XPR1: variants seen among roughly 807,000 people sequenced by gnomAD.
XPR1 encodes xenotropic and polytropic retrovirus receptor 1, also known as solute carrier family 53 member 1.
Under a neutral mutation model 87.5 loss-of-function variants are expected in XPR1, and 28 were observed. The ratio of observed to expected loss-of-function variants is 0.32; its 90% CI spans 0.24 to 0.44. XPR1 has a LOEUF of 0.44. XPR1 is among the 20% of genes least tolerant of loss of function. XPR1 has a pLI of 1.00. For synonymous variants in XPR1, 300 were observed against 306.1 expected (o/e 0.98, Z 0.21); for missense variants, 559 against 862.3 (o/e 0.65, Z 4.41).
At chr1:180,860,378 TATTAC>T in intron 11 of XPR1, among the ~76,000 whole-genome samples, 1 of 152,224 alleles carries the variant, frequency 6.6e-6, no homozygotes, top group Admixed American at 6.5e-5. Context: ...AATGAAAACA[TATTAC>T]ATAAAGTCTT....
At chr1:180,818,579 C>A (rs529138281) in intron 7 of XPR1, among the ~76,000 whole-genome samples, 1 of 152,194 alleles carries the variant, frequency 6.6e-6, no homozygotes, top group Admixed American at 6.5e-5. Flanking sequence ...AAAATAAATG[C>A]TTAATGATTG....
At chr1:180,812,013 A>G in intron 7 of XPR1, among the ~76,000 whole-genome samples, 1 of 152,214 alleles carries the variant, frequency 6.6e-6, no homozygotes, top group East Asian at 1.9e-4. Context: ...TGCACTCACA[A>G]CATCAAAAAA....
rs527615317 is a variant in XPR1, at chr1:180,706,629, C to T, written c.121+24218C>T. 2.9e-3 allele frequency among the ~76,000 whole-genome samples: 438 copies of T among 151,058 alleles called. 3 individuals are homozygous for T. Among genetic ancestry groups the T allele is most frequent in the African/African-American group, 9.6e-3 (395 of 41,184 alleles). ...CACAGAAGCTTTTTTTTTTTTTCCCCGAGGCAGAGTCTCGCACTGTCACCC... is the reference window on the plus strand; with the variant it reads ...CACAGAAGCTTTTTTTTTTTTTCCCTGAGGCAGAGTCTCGCACTGTCACCC... On this transcript the variant is annotated intron_variant, in intron 2 of 14. Transcript: ENST00000367590.
intron 2 of XPR1, among the ~76,000 whole-genome samples, chr1:180,690,021 T>TGG (rs1259663700): frequency 1.3e-5 from 2 of 152,018 alleles, no homozygotes; most frequent in Non-Finnish European, 2.9e-5. Flanking sequence ...CTGGGTGTGG[T>TGG]GGCGCATGCC....
At chr1:180,764,044 TAA>T (rs1423709235) in intron 2 of XPR1, among the ~76,000 whole-genome samples, 2 of 152,232 alleles carry the variant, frequency 1.3e-5, no homozygotes, top group Non-Finnish European at 2.9e-5. Flanking sequence ...TTTTTCCTGA[TAA>T]GTACTTATGT....
intron 2 of XPR1, among the ~76,000 whole-genome samples, chr1:180,765,038 G>A (rs1200401855): frequency 6.6e-6 from 1 of 152,098 alleles, no homozygotes; most frequent in Non-Finnish European, 1.5e-5. Context: ...ACCCGCCTTG[G>A]CCTCCCAAAG....
intron 1 of XPR1, among the ~76,000 whole-genome samples, chr1:180,680,365 T>A (rs1656530096): frequency 7.7e-6 from 1 of 130,590 alleles, no homozygotes; most frequent in Admixed American, 7.5e-5. Flanking sequence ...ACCTTTTTTT[T>A]TTTTTTTTTT....
intron 1 of XPR1, among the ~76,000 whole-genome samples, chr1:180,651,785 T>A (rs1460396784): frequency 6.6e-6 from 1 of 152,186 alleles, no homozygotes; most frequent in Non-Finnish European, 1.5e-5. Context: ...GGAAATAACA[T>A]TGTAGAACCT....
At chr1:180,759,083 A>C (rs1301892704) in intron 2 of XPR1, among the ~76,000 whole-genome samples, 5 of 152,358 alleles carry the variant, frequency 3.3e-5, no homozygotes, top group Non-Finnish European at 5.9e-5. Flanking sequence ...ACAAAGACAC[A>C]ACATACCAGA....
At position 180,656,088 on chromosome 1, in the gene XPR1, A is replaced by G. The variant is rs140309590; in HGVS notation, c.69+23818A>G. Among the ~76,000 whole-genome samples, 309 of 151,480 alleles carry G rather than the reference A, an allele frequency of 2.0e-3. 4 individuals carry two copies. Among genetic ancestry groups the G allele is most frequent in the African/African-American group, 7.1e-3 (295 of 41,286 alleles). ...AACTATTTTTTGGTACCCATTAACTATCTGCCCCCCAATACCCTTCTGAGC... is the reference window on the plus strand; with the variant it reads ...AACTATTTTTTGGTACCCATTAACTGTCTGCCCCCCAATACCCTTCTGAGC... On this transcript the variant is annotated intron_variant, in intron 1 of 14. Transcript: ENST00000367590.
chr1:180,833,549 A>T (rs967177214), intron 9 of XPR1, among the ~76,000 whole-genome samples: 1 of 152,194 alleles, frequency 6.6e-6, no homozygotes, highest in African/African-American at 2.4e-5. Context: ...CTAGTCTCTG[A>T]TAAAACAGAC....
chr1:180,655,642 A>G (rs867245567), intron 1 of XPR1, among the ~76,000 whole-genome samples: 1 of 151,996 alleles, frequency 6.6e-6, no homozygotes. Flanking sequence ...CTTGTTGCCT[A>G]TGCCTTTGGT....
intron 3 of XPR1, among the ~76,000 whole-genome samples, chr1:180,803,134 C>T (rs1649856452): frequency 6.6e-6 from 1 of 152,100 alleles, no homozygotes; most frequent in Admixed American, 6.6e-5. Flanking sequence ...TACCATTTTG[C>T]GTTTTCACTC....
At chr1:180,643,723 A>AT (rs753132421) in intron 1 of XPR1, among the ~76,000 whole-genome samples, 2 of 152,108 alleles carry the variant, frequency 1.3e-5, no homozygotes, top group Non-Finnish European at 2.9e-5. Flanking sequence ...TTCAGATTCC[A>AT]TTTTTTTATC....
intron 1 of XPR1, among the ~76,000 whole-genome samples, chr1:180,647,902 C>CA (rs1009441967): frequency 0.085 from 4,429 of 52,366 alleles, 235 homozygotes; most frequent in African/African-American, 0.15. Flanking sequence ...CTCTTATCTG[C>CA]AAAAAAAAAA....
intron 1 of XPR1, among the ~76,000 whole-genome samples, chr1:180,671,885 G>A (rs1656190653): frequency 2.0e-5 from 3 of 152,104 alleles, no homozygotes; most frequent in African/African-American, 7.2e-5. Context: ...ACCGCGTCTA[G>A]CCAATATATT....
chr1:180,884,135 C>G lies in XPR1; in HGVS notation c.*69C>G. On this transcript the variant is annotated 3_prime_UTR_variant, in exon 15 of 15. Transcript: ENST00000367590. ...CAATCCTTTCCTCGACCAACGCAAC[C>G]TCTAGTACCTTTCCAGCCGAAAACA... 1 of 1,425,570 alleles carries G rather than the reference C, an allele frequency of 7.0e-7. No homozygotes were observed. The highest frequency in any genetic ancestry group is 1.2e-5 in the South Asian group (1 of 81,104). 88.3% of individuals were successfully genotyped at this position (1,425,570 alleles called of 1,614,324 possible).
intron 2 of XPR1, among the ~76,000 whole-genome samples, chr1:180,724,543 A>G (rs1048912034): frequency 2.0e-5 from 3 of 152,130 alleles, no homozygotes; most frequent in African/African-American, 7.2e-5. Context: ...TAAACTGCCT[A>G]TAAAGTTAAG....
chr1:180,886,136 A>G lies in XPR1; in HGVS notation c.*2070A>G. On this transcript the variant is annotated 3_prime_UTR_variant, in exon 15 of 15. Coordinates refer to ENST00000367590, the MANE Select transcript of XPR1 (RefSeq NM_004736.4). The stretch of plus-strand genomic sequence containing the variant: ...GAATCATTTATAATAATCAGTGTTA[A>G]CAATTTAGTGACCCTTGGTAGGTTA... The G allele has an allele frequency of 6.6e-6, 1 of 152,350 alleles. No individual in the cohort carries two copies. Among genetic ancestry groups the G allele is most frequent in the East Asian group, 1.9e-4 (1 of 5,196 alleles). 9.4% of individuals were successfully genotyped at this position (152,350 alleles called of 1,614,324 possible).
Sources: allele counts gnomAD v4.1 joint callset (sites outside exome capture counted in the v4.1 genomes callset), GRCh38; gene constraint gnomAD v4.1.1; transcripts MANE v1.5; gene names NCBI Gene and HGNC (gene_info 2026-07-23, HGNC 2026-07-21).